Variants in CSTA observed in about 807,000 individuals in gnomAD.
CSTA encodes the protein cystatin-A.
Under a neutral mutation model 9.2 loss-of-function variants are expected in CSTA, and 9 were observed. The observed-to-expected ratio is 0.97, with a 90% CI of 0.59 to 1.70. The LOEUF (loss-of-function observed/expected upper bound fraction) is 1.70. Ranked by LOEUF, CSTA falls within the 40% of genes most tolerant of loss-of-function variation. The pLI is 0.00. For missense variants in CSTA, 118 were observed against 113.1 expected, an observed-to-expected ratio of 1.04 and a Z score of -0.20; for synonymous variants, 36 against 40.6, an observed-to-expected ratio of 0.89 and a Z score of 0.43.
chr3:122,328,810 G>A (rs762018314), intron 1 of CSTA, among the ~76,000 whole-genome samples: 1 of 150,322 alleles, frequency 6.7e-6, no homozygotes, highest in African/African-American at 2.4e-5. Flanking sequence ...GCGTGGTGAC[G>A]GGCGCCTGTA....
chr3:122,337,391 A>T (rs933234365), intron 1 of CSTA, among the ~76,000 whole-genome samples, 156 bp from the exon 2 acceptor site: 4 of 152,226 alleles, frequency 2.6e-5, no homozygotes, highest in Non-Finnish European at 5.9e-5. Context: ...TAATTGTATT[A>T]AAACAGGTGT....
In CSTA at chr3:122,333,696, G is replaced by A. The variant is rs371462122; in HGVS notation, c.67-3851G>A. On this transcript the variant is annotated intron_variant, in intron 1 of 2. Transcript: ENST00000264474. ...GAAAGAAAGAAGAAAGAAAGAGAGA[G>A]AGAAAGAAAGAAAAAGAAAGAAAGA... is the stretch of plus-strand genomic sequence containing the variant. Among the ~76,000 whole-genome samples the A allele has an allele frequency of 3.7e-4, 53 of 144,752 alleles. 1 individual carries two copies. Among genetic ancestry groups the A allele is most frequent in the Non-Finnish European group, 7.0e-4 (46 of 65,740 alleles). 95.0% of individuals were successfully genotyped at this position (144,752 alleles called of 152,430 possible).
At chr3:122,337,674 G>A (rs774154472) in intron 2 of CSTA, 26 bp downstream of exon 2, 34 of 1,322,196 alleles carry the variant, frequency 2.6e-5, no homozygotes, top group Middle Eastern at 3.6e-4. Context: ...CTACTTTAGC[G>A]CCAAAAGATG....
chr3:122,327,018 T>G (rs1245734921), intron 1 of CSTA, among the ~76,000 whole-genome samples: 1 of 151,880 alleles, frequency 6.6e-6, no homozygotes, highest in East Asian at 1.9e-4. Flanking sequence ...GGCAGGTGGA[T>G]CACAAGGTCA....
chr3:122,333,548 A>AAAAGAAAG (rs1467446138), intron 1 of CSTA, among the ~76,000 whole-genome samples: 1,740 of 59,498 alleles, frequency 0.029, 27 homozygotes, highest in East Asian at 0.14. Context: ...AAGAAGAAAG[A>AAAAGAAAG]AAGAAAGAAA....
intron 1 of CSTA, among the ~76,000 whole-genome samples, chr3:122,330,597 T>C: frequency 6.6e-6 from 1 of 152,192 alleles, no homozygotes; most frequent in East Asian, 1.9e-4. Context: ...AACATGTCAT[T>C]GTAGCACCAT....
Position 122,341,808 on chromosome 3 carries a change from C to A in CSTA, c.*241C>A. 2.1e-6 allele frequency: 1 copy of A among 481,272 alleles called. No individual in the cohort carries two copies. Among genetic ancestry groups the A allele is most frequent in the Non-Finnish European group, 3.7e-6 (1 of 268,580 alleles). 29.8% of individuals were successfully genotyped at this position (481,272 alleles called of 1,614,324 possible). A position where few individuals can be genotyped will look rare whatever the true frequency, so the allele number is the denominator to read the frequency against. On this transcript the variant is annotated 3_prime_UTR_variant, in exon 3 of 3. Transcript: ENST00000264474. ...GAAATCTTATAAAAACTAGTCAAGC[C>A]TAATGCAACTGGCTAAAGGATAGTA...
At chr3:122,328,627 T>C (rs971965861) in intron 1 of CSTA, among the ~76,000 whole-genome samples, 7 of 151,738 alleles carry the variant, frequency 4.6e-5, no homozygotes, top group African/African-American at 1.5e-4. Flanking sequence ...GGAAATACAC[T>C]GAATGGAGAG....
At position 122,339,547 on chromosome 3, in the gene CSTA, T is replaced by C. The variant is rs113032079; in HGVS notation, c.169-1892T>C. On this transcript the variant is annotated intron_variant, in intron 2 of 2. Coordinates refer to ENST00000264474, the MANE Select transcript of CSTA (RefSeq NM_005213.4). ...GCTGCCTCTAATATAAAGCACAAAATAAGAGCTTTTACAAGGTTACACTGG... is the reference window on the plus strand; with the variant it reads ...GCTGCCTCTAATATAAAGCACAAAACAAGAGCTTTTACAAGGTTACACTGG... Among the ~76,000 whole-genome samples the C allele has an allele frequency of 4.9e-3, 740 of 152,228 alleles. 7 individuals carry two copies. The highest frequency in any genetic ancestry group is 8.4e-3 in the Non-Finnish European group (573 of 68,016).
chr3:122,333,780 G>A (rs1257489835), intron 1 of CSTA, among the ~76,000 whole-genome samples: 1 of 152,114 alleles, frequency 6.6e-6, no homozygotes, highest in Non-Finnish European at 1.5e-5. Flanking sequence ...TAGGATACGT[G>A]CTTAAAAAGA....
chr3:122,326,854 GTGCTGCTGC>G (rs1464828226), intron 1 of CSTA, among the ~76,000 whole-genome samples: 1 of 152,178 alleles, frequency 6.6e-6, no homozygotes, highest in African/African-American at 2.4e-5. Flanking sequence ...AGACTCCCAA[GTGCTGCTGC>G]TGCTGCCACC....
At chr3:122,340,407 C>A (rs1416145997) in intron 2 of CSTA, among the ~76,000 whole-genome samples, 1 of 151,982 alleles carries the variant, frequency 6.6e-6, no homozygotes, top group Non-Finnish European at 1.5e-5. Context: ...CGGATTCAAG[C>A]GATTCTCCTG....
At chr3:122,328,183 AAC>A (rs1316283893) in intron 1 of CSTA, among the ~76,000 whole-genome samples, 2 of 152,168 alleles carry the variant, frequency 1.3e-5, no homozygotes, top group Non-Finnish European at 2.9e-5. Context: ...CAGATGATGA[AAC>A]CAAGATTCAA....
At chr3:122,329,178 G>T (rs1481726995) in intron 1 of CSTA, among the ~76,000 whole-genome samples, 1 of 151,732 alleles carries the variant, frequency 6.6e-6, no homozygotes, top group Non-Finnish European at 1.5e-5. Context: ...ATGTTAGCCA[G>T]GATGGTCTCG....
chr3:122,341,008 C>T (rs540036185), intron 2 of CSTA, among the ~76,000 whole-genome samples: 23 of 151,568 alleles, frequency 1.5e-4, no homozygotes, highest in Middle Eastern at 6.8e-3. Context: ...GTGGCATGAT[C>T]TCGGCTCACT....
chr3:122,332,924 G>A (rs1439993444), intron 1 of CSTA, among the ~76,000 whole-genome samples: 1 of 152,150 alleles, frequency 6.6e-6, no homozygotes, highest in Admixed American at 6.5e-5. Context: ...TCACTGACAA[G>A]CTCCCCTACT....
chr3:122,340,830 T>C (rs918125811), intron 2 of CSTA, among the ~76,000 whole-genome samples: 2 of 152,240 alleles, frequency 1.3e-5, no homozygotes, highest in African/African-American at 4.8e-5. Flanking sequence ...TCACTTGTTT[T>C]CTTGCTCCAT....
chr3:122,327,316 T>A (rs1484254859), intron 1 of CSTA, among the ~76,000 whole-genome samples: 1 of 150,704 alleles, frequency 6.6e-6, no homozygotes, highest in Non-Finnish European at 1.5e-5. Flanking sequence ...GATCACGAGG[T>A]CAGGAGATCA....
chr3:122,339,076 T>G (rs778325726), intron 2 of CSTA, among the ~76,000 whole-genome samples: 2 of 152,120 alleles, frequency 1.3e-5, no homozygotes, highest in African/African-American at 2.4e-5. Flanking sequence ...AGATTTAAGG[T>G]CTTGCCAGTG....
Sources: allele counts gnomAD v4.1 joint callset (sites outside exome capture counted in the v4.1 genomes callset), GRCh38; gene constraint gnomAD v4.1.1; transcripts MANE v1.5; gene names NCBI Gene and HGNC (gene_info 2026-07-23, HGNC 2026-07-21).